FMR1: variants seen among roughly 807,000 people sequenced by gnomAD.
FMR1 encodes fragile X messenger ribonucleoprotein 1, also known as FMRP translational regulator 1.
Under a neutral mutation model 50.6 loss-of-function variants are expected in FMR1, and 13 were observed. The ratio of observed to expected loss-of-function variants is 0.26; its 90% CI spans 0.17 to 0.41. The LOEUF is 0.41. Among genes scored for constraint, FMR1 ranks in the 10% least tolerant of loss-of-function variants. The pLI is 1.00. For synonymous variants in FMR1, 138 were observed against 164.1 expected, an observed-to-expected ratio of 0.84 and a Z score of 1.22; for missense variants, 316 against 491.3, an observed-to-expected ratio of 0.64 and a Z score of 3.37.
At chrX:147,924,515 A>ATT (rs35196632) in intron 2 of FMR1, among the ~76,000 whole-genome samples, 9,609 of 88,204 alleles carry the variant, frequency 0.11, 545 homozygotes, top group Admixed American at 0.18. Context: ...ATATATATAT[A>ATT]TTTTTTTTTT....
chrX:147,934,205 G>GTTT (rs548035697), intron 9 of FMR1, among the ~76,000 whole-genome samples: 1 of 100,064 alleles, frequency 1.0e-5, no homozygotes, highest in Non-Finnish European at 2.0e-5. Context: ...TAGTTGTTTT[G>GTTT]TTTTTTTTTT....
At chrX:147,918,719 A>G (rs1464802301) in intron 1 of FMR1, among the ~76,000 whole-genome samples, 4 of 110,350 alleles carry the variant, frequency 3.6e-5, no homozygotes, top group African/African-American at 1.3e-4. Flanking sequence ...GCAATGTAGT[A>G]ATAAGGCTGA....
Position 147,944,871 on chromosome X carries a change from A to G in FMR1, c.1474A>G (p.Thr492Ala). 2.5e-6 allele frequency: 3 copies of G among 1,208,288 alleles called. No homozygotes were observed. The African/African-American group carries it at 5.3e-5, about 21-fold the overall frequency. Residue 492 changes from threonine (T) to alanine (A), a missense_variant and splice_region_variant, in exon 15 of 17, where the codon ACT (threonine) becomes GCT (alanine). Thr to Ala is a moderately conservative substitution (Grantham distance 58). Transcript: ENST00000370475. ...GRRGPGYTSG[T>A]NSEASNASET... The stretch of plus-strand genomic sequence containing the variant: ...ATATAACTTTTAACTCTCGATAGGA[A>G]CTAATTCTGAAGCATCAAATGCTTC...
At chrX:147,926,746 C>G (rs2043403811) in intron 3 of FMR1, among the ~76,000 whole-genome samples, 1 of 111,276 alleles carries the variant, frequency 9.0e-6, no homozygotes, top group African/African-American at 3.3e-5. Context: ...CCTCGGCCTC[C>G]CAAAGTGCTG....
At chrX:147,945,410 C>A in intron 15 of FMR1, 124 bp from the exon 16 acceptor site, 1 of 554,141 alleles carries the variant, frequency 1.8e-6, no homozygotes, top group South Asian at 2.6e-5. Flanking sequence ...TAACTGGAAT[C>A]ACTGGGGTAT....
rs1557183551 is a variant in FMR1 at position 147,950,739 on chromosome X, T to C, written c.*1895T>C. 2 of 321,620 alleles carry C rather than the reference T, an allele frequency of 6.2e-6. No individual in the cohort carries two copies. The highest frequency in any genetic ancestry group is 2.7e-5 in the South Asian group (1 of 36,511). The allele number at this position is 321,620 out of a possible 1,213,427, so 26.5% of individuals were successfully genotyped here. A position where few individuals can be genotyped will look rare whatever the true frequency, so the allele number is the denominator to read the frequency against. On this transcript the variant is annotated 3_prime_UTR_variant, in exon 17 of 17. Transcript: ENST00000370475. ...CTGTTACAAAATGTAACTGTTACCA[T>C]TGGAAATTTCACGTCATAGGAAGTT...
chrX:147,925,519 T>C (rs1296879935), intron 2 of FMR1, 21 bp from the exon 3 acceptor site: 1 of 1,074,696 alleles, frequency 9.3e-7, no homozygotes, highest in Non-Finnish European at 1.3e-6. Flanking sequence ...GTTAAATAAT[T>C]GTATGTTTGC....
chrX:147,921,478 G>T (rs868965645), intron 1 of FMR1, among the ~76,000 whole-genome samples: 1 of 108,278 alleles, frequency 9.2e-6, no homozygotes, highest in African/African-American at 3.4e-5. Context: ...TATATATATA[G>T]ATAGATAGAT....
At chrX:147,915,088 C>G (rs1412265615) in intron 1 of FMR1, among the ~76,000 whole-genome samples, 3 of 111,127 alleles carry the variant, frequency 2.7e-5, no homozygotes, top group African/African-American at 9.8e-5. Context: ...ATTTCTGATT[C>G]CTTGTTGTAA....
At chrX:147,940,178 AAC>A (rs1557180475) in intron 12 of FMR1, 6 of 112,480 alleles carry the variant, frequency 5.3e-5, no homozygotes, top group Non-Finnish European at 1.1e-4. Flanking sequence ...AAAAAAAAAA[AAC>A]AAAAAAGAAA....
chrX:147,932,321 T>G, intron 7 of FMR1, 104 bp from the exon 8 acceptor site: 1 of 713,790 alleles, frequency 1.4e-6, no homozygotes, highest in Non-Finnish European at 2.2e-6. Flanking sequence ...TAATAATTTA[T>G]GGACCCCTCA....
At chrX:147,934,205 GTT>G (rs548035697) in intron 9 of FMR1, among the ~76,000 whole-genome samples, 2 of 100,058 alleles carry the variant, frequency 2.0e-5, no homozygotes, top group Non-Finnish European at 2.0e-5. Context: ...TAGTTGTTTT[GTT>G]TTTTTTTTTT....
At chrX:147,945,247 G>T (rs900656995) in intron 15 of FMR1, among the ~76,000 whole-genome samples, 196 bp downstream of exon 15, 14 of 112,090 alleles carry the variant, frequency 1.2e-4, no homozygotes, top group Non-Finnish European at 2.3e-4. Flanking sequence ...GGTTCATACA[G>T]ATATATGAAT....
rs1367575205 is a variant in FMR1, at chrX:147,934,839, T to C, written c.881-1665T>C. Among the ~76,000 whole-genome samples the C allele has an allele frequency of 3.2e-4, 36 of 112,025 alleles. 1 individual carries two copies. The highest frequency in any genetic ancestry group is 2.8e-3 in the Admixed American group (30 of 10,579). ...AAGGCAGATCTTTAGAGAGGTGTCA[T>C]AATCAGTTTTGCATGTGTTTTGTTT... is the stretch of plus-strand genomic sequence containing the variant. On this transcript the variant is annotated intron_variant, in intron 9 of 16. Coordinates refer to ENST00000370475, the MANE Select transcript of FMR1 (RefSeq NM_002024.6).
chrX:147,913,338 G>C (rs1255045697), intron 1 of FMR1: 2 of 112,162 alleles, frequency 1.8e-5, no homozygotes, highest in Non-Finnish European at 3.8e-5. Flanking sequence ...TGGTATGTAG[G>C]TGCTGTATAA....
Position 147,944,908 on chromosome X carries a change from C to A in FMR1, c.1511C>A (p.Ser504Tyr), listed in dbSNP as rs782375663. ...SEASNASETE[S>Y]DHRDELSDWS... ...GCATCAAATGCTTCTGAAACAGAAT[C>A]TGACCACAGAGACGAACTCAGTGAT... Residue 504 changes from serine to tyrosine, a missense_variant, in exon 15 of 17, where the codon TCT becomes TAT. By Grantham distance (144) the Ser-to-Tyr change is moderately radical. Transcript: ENST00000370475. 4 of 1,204,874 alleles carry A rather than the reference C, an allele frequency of 3.3e-6. No individual in the cohort carries two copies. In the African/African-American group the frequency reaches 7.2e-5, roughly 22 times the overall value.
Position 147,932,551 on chromosome X carries a change from A to G in FMR1, c.757A>G (p.Ile253Val), listed in dbSNP as rs781917691. ...TAGAAAAGTACCTGGGGTCACTGCT[A>G]TTGATCTAGATGAAGATACCTGCAC... ...QARKVPGVTAIDLDEDTCTFH... is the reference protein window; with the variant it reads ...QARKVPGVTAVDLDEDTCTFH... Residue 253 changes from isoleucine to valine, a missense_variant, in exon 8 of 17, where the codon ATT (isoleucine) becomes GTT (valine). Ile to Val is a conservative substitution (Grantham distance 29, BLOSUM62 3). Transcript: ENST00000370475. The G allele has an allele frequency of 8.3e-7, 1 of 1,209,582 alleles. No individual in the cohort carries two copies. Among genetic ancestry groups the G allele is most frequent in the Admixed American group, 2.2e-5 (1 of 46,023 alleles).
Position 147,928,204 on chromosome X carries a change from CAT to C in FMR1, c.199-117_199-116del, listed in dbSNP as rs36079315. 5.9e-4 allele frequency: 357 copies of C among 600,816 alleles called. No individual in the cohort carries two copies. In the African/African-American group the frequency reaches 6.5e-3, roughly 11 times the overall value. The allele number at this position is 600,816 out of a possible 1,213,427, so 49.5% of individuals were successfully genotyped here. On this transcript the variant is annotated intron_variant, in intron 3 of 16. Coordinates refer to ENST00000370475, the MANE Select transcript of FMR1 (RefSeq NM_002024.6). Reference sequence around the variant, plus strand: ...TTACAATTTGGTTGAGGATATATGACATGTGGTTTTTAAAGACACCTAGGGGC... The same window carrying C: ...TTACAATTTGGTTGAGGATATATGACGTGGTTTTTAAAGACACCTAGGGGC...
intron 1 of FMR1, among the ~76,000 whole-genome samples, chrX:147,915,684 G>A (rs373170774): frequency 8.9e-6 from 1 of 111,792 alleles, no homozygotes; most frequent in African/African-American, 3.3e-5. Flanking sequence ...TGCTTCCTGA[G>A]AAGATTGGGA....
Sources: allele counts gnomAD v4.1 joint callset (sites outside exome capture counted in the v4.1 genomes callset), GRCh38; gene constraint gnomAD v4.1.1; transcripts MANE v1.5; gene names NCBI Gene and HGNC (gene_info 2026-07-23, HGNC 2026-07-21).